Variants in ANKS1B observed in about 807,000 individuals in gnomAD.
ANKS1B encodes the protein ankyrin repeat and sterile alpha motif domain-containing protein 1B.
In ANKS1B, 36 loss-of-function variants were observed where a neutral mutation model predicts 148.3. That is an observed-to-expected ratio of 0.24 (90% CI 0.19 to 0.32). ANKS1B has a LOEUF of 0.32. Among genes scored for constraint, ANKS1B ranks in the 10% least tolerant of loss-of-function variants. ANKS1B has a pLI of 1.00. For missense variants in ANKS1B, 1,157 were observed against 1,542.6 expected (o/e 0.75, Z 4.19); for synonymous variants, 542 against 560.8 (o/e 0.97, Z 0.47).
chr12:99,064,235 T>G (rs1432989037), intron 16 of ANKS1B, among the ~76,000 whole-genome samples: 1 of 152,218 alleles, frequency 6.6e-6, no homozygotes, highest in African/African-American at 2.4e-5. Context: ...TCTCTCAATG[T>G]TCTAGGTTTT....
intron 17 of ANKS1B, among the ~76,000 whole-genome samples, chr12:98,983,237 T>C (rs2099916687): frequency 1.3e-5 from 2 of 152,140 alleles, no homozygotes; most frequent in Admixed American, 6.6e-5. Context: ...CTTCCAGGCT[T>C]TTTCAGGCTG....
intron 12 of ANKS1B, among the ~76,000 whole-genome samples, chr12:99,286,008 T>G (rs1390590387): frequency 6.6e-6 from 1 of 152,052 alleles, no homozygotes; most frequent in Non-Finnish European, 1.5e-5. Flanking sequence ...GGGCAAGTTC[T>G]GATGCTGTTC....
At chr12:99,478,991 A>G (rs1390125263) in intron 10 of ANKS1B, among the ~76,000 whole-genome samples, 1 of 152,054 alleles carries the variant, frequency 6.6e-6, no homozygotes, top group Non-Finnish European at 1.5e-5. Flanking sequence ...TTAGTATTTC[A>G]AAACAAAAAT....
At chr12:98,985,678 T>C (rs1373843008) in intron 17 of ANKS1B, among the ~76,000 whole-genome samples, 1 of 152,082 alleles carries the variant, frequency 6.6e-6, no homozygotes, top group African/African-American at 2.4e-5. Flanking sequence ...TGAATGATAC[T>C]ATTGTCTTTC....
chr12:99,338,291 C>T (rs1286484241), intron 12 of ANKS1B, among the ~76,000 whole-genome samples: 1 of 152,136 alleles, frequency 6.6e-6, no homozygotes, highest in African/African-American at 2.4e-5. Flanking sequence ...CAGTAGTCTC[C>T]CCTGTGGGTA....
chr12:98,948,947 C>CTTTTTTTTTTTTTTTTTTTTTTTTTTTT (rs869145338), intron 17 of ANKS1B, among the ~76,000 whole-genome samples: 4 of 84,862 alleles, frequency 4.7e-5, no homozygotes, highest in Non-Finnish European at 8.2e-5. Context: ...GCATGAGCTA[C>CTTTTTTTTTTTTTTTTTTTTTTTTTTTT]TTTTTTTTTT....
chr12:98,799,029 G>A, intron 21 of ANKS1B, 24 bp from the exon 22 acceptor site: 1 of 1,542,936 alleles, frequency 6.5e-7, no homozygotes, highest in South Asian at 1.2e-5. Flanking sequence ...AAAATTCAAT[G>A]ATTTATGAAA....
In ANKS1B at chr12:98,832,034, G is replaced by C; in HGVS notation, c.2881C>G (p.Leu961Val). The C allele has an allele frequency of 6.3e-7, 1 of 1,588,556 alleles. No homozygotes were observed. ...PPQKPPRSIT[L>V]REPSGNHTPP... ...TGAATGTGCTTGGCACTTACCCTGAGGGTGATGGACCGAGGGGGCTTCTGT... is the reference window on the plus strand; with the variant it reads ...TGAATGTGCTTGGCACTTACCCTGACGGTGATGGACCGAGGGGGCTTCTGT... Residue 961 changes from leucine to valine, a missense_variant, in exon 18 of 27, where the codon CTC (leucine) becomes GTC (valine). By Grantham distance (32) the Leu-to-Val change is conservative (BLOSUM62 1). Around this residue, in one of 6 missense-constraint regions of ANKS1B, gnomAD observed 258 missense variants for 497.0 expected, o/e 0.52. Transcript: ENST00000683438.
At chr12:98,862,413 T>C (rs1367102353) in intron 17 of ANKS1B, among the ~76,000 whole-genome samples, 1 of 152,194 alleles carries the variant, frequency 6.6e-6, no homozygotes, top group African/African-American at 2.4e-5. Flanking sequence ...CTATGCAAAG[T>C]ACTTACACAG....
At chr12:99,619,058 G>A (rs1006932727) in intron 9 of ANKS1B, among the ~76,000 whole-genome samples, 1 of 152,066 alleles carries the variant, frequency 6.6e-6, no homozygotes, top group Admixed American at 6.6e-5. Flanking sequence ...CCTGCTGTGT[G>A]TGTGCCATTG....
intron 24 of ANKS1B, among the ~76,000 whole-genome samples, chr12:98,780,670 T>C (rs114458438): frequency 0.017 from 2,639 of 152,264 alleles, 67 homozygotes; most frequent in African/African-American, 0.06. Flanking sequence ...AAGACACATA[T>C]ATATCTCTAG....
chr12:99,829,473 A>G (rs1056108301), intron 1 of ANKS1B, among the ~76,000 whole-genome samples: 2 of 152,062 alleles, frequency 1.3e-5, no homozygotes, highest in Non-Finnish European at 2.9e-5. Context: ...ACATGGTGAA[A>G]CCCTGTCTCT....
Position 98,815,005 on chromosome 12 carries a change from C to G in ANKS1B, c.3067-7087G>C, listed in dbSNP as rs544275723. On this transcript the variant is annotated intron_variant, in intron 19 of 26. Coordinates refer to ENST00000683438, the MANE Select transcript of ANKS1B (RefSeq NM_001352186.2). ...CAGCTCAGAAAATACAACACAACTGCATTCAAATCTAATCACAAAATAAAA... is the reference window on the plus strand; with the variant it reads ...CAGCTCAGAAAATACAACACAACTGGATTCAAATCTAATCACAAAATAAAA... Among the ~76,000 whole-genome samples the G allele has an allele frequency of 4.6e-5, 7 of 152,324 alleles. No homozygotes were observed. In the East Asian group the frequency reaches 5.8e-4, roughly 13 times the overall value.
chr12:98,931,383 A>T (rs1390300467), intron 17 of ANKS1B, among the ~76,000 whole-genome samples: 1 of 152,184 alleles, frequency 6.6e-6, no homozygotes, highest in Non-Finnish European at 1.5e-5. Flanking sequence ...ATGACTTCTT[A>T]AGATGAGAAT....
At chr12:99,812,752 G>C (rs187883935) in intron 2 of ANKS1B, among the ~76,000 whole-genome samples, 1 of 151,056 alleles carries the variant, frequency 6.6e-6, no homozygotes, top group African/African-American at 2.4e-5. Flanking sequence ...CTGAGATTTA[G>C]TTTGAAGGAA....
intron 19 of ANKS1B, among the ~76,000 whole-genome samples, chr12:98,821,503 CTCTCTCTCTG>C (rs2099190847): frequency 6.9e-6 from 1 of 144,950 alleles, no homozygotes; most frequent in Non-Finnish European, 1.5e-5. Flanking sequence ...CTGTCTGTCT[CTCTCTCTCTG>C]TCTCTCTCTC....
At chr12:99,561,013 A>AT (rs2097330818) in intron 9 of ANKS1B, among the ~76,000 whole-genome samples, 1 of 151,412 alleles carries the variant, frequency 6.6e-6, no homozygotes, top group Non-Finnish European at 1.5e-5. Flanking sequence ...TGCCCAGCTA[A>AT]TTTTTTGTAT....
At chr12:99,168,183 T>G (rs1209871584) in intron 14 of ANKS1B, among the ~76,000 whole-genome samples, 5 of 152,192 alleles carry the variant, frequency 3.3e-5, no homozygotes, top group African/African-American at 1.2e-4. Context: ...TTTAAATATA[T>G]GCCGTTTGTT....
intron 9 of ANKS1B, among the ~76,000 whole-genome samples, chr12:99,627,348 A>G (rs1435202489): frequency 6.6e-6 from 1 of 152,212 alleles, no homozygotes; most frequent in Non-Finnish European, 1.5e-5. Context: ...TCCTTTAGCT[A>G]TAATAAAGGC....
Sources: allele counts gnomAD v4.1 joint callset (sites outside exome capture counted in the v4.1 genomes callset), GRCh38; gene constraint gnomAD v4.1.1; regional missense constraint gnomAD v4.1.1; transcripts MANE v1.5; gene names NCBI Gene and HGNC (gene_info 2026-07-23, HGNC 2026-07-21).